LSAMP: variants seen among roughly 807,000 people sequenced by gnomAD.
LSAMP encodes limbic system-associated membrane protein.
A neutral mutation model predicts 38.6 loss-of-function variants in LSAMP; 7 were observed. The ratio of observed to expected loss-of-function variants is 0.18; its 90% CI spans 0.10 to 0.34. The LOEUF (loss-of-function observed/expected upper bound fraction) is 0.34, where lower values mean the gene tolerates loss of function less well. LSAMP is among the 10% of genes least tolerant of loss of function. LSAMP has a pLI of 1.00. For synonymous variants in LSAMP, 154 were observed against 166.8 expected (o/e 0.92, Z 0.59); for missense variants, 313 against 420.0 (o/e 0.75, Z 2.23).
At chr3:115,890,445 A>C (rs1311749179) in intron 3 of LSAMP, among the ~76,000 whole-genome samples, 1 of 150,796 alleles carries the variant, frequency 6.6e-6, no homozygotes, top group Non-Finnish European at 1.5e-5. Flanking sequence ...AGTTCAGGTT[A>C]AGCCTCTCTT....
At chr3:116,125,045 T>C (rs1040782698) in intron 1 of LSAMP, among the ~76,000 whole-genome samples, 2 of 152,144 alleles carry the variant, frequency 1.3e-5, no homozygotes, top group Non-Finnish European at 2.9e-5. Flanking sequence ...GGGTTCTTTA[T>C]TTCCCAGGGA....
Position 116,048,853 on chromosome 3 carries a change from A to G in LSAMP, c.389-29213T>C, listed in dbSNP as rs182389916. 1.6e-4 allele frequency among the ~76,000 whole-genome samples: 25 copies of G among 152,292 alleles called. No homozygotes were observed. In the East Asian group the frequency reaches 4.6e-3, roughly 28 times the overall value. ...GTTTCAATCCATGACTCCTTGCACT[A>G]TGTAGTACTGCCTGTTTCTGCATCA... On this transcript the variant is annotated intron_variant, in intron 2 of 6. Coordinates refer to ENST00000490035, the MANE Select transcript of LSAMP (RefSeq NM_002338.5).
intron 6 of LSAMP, among the ~76,000 whole-genome samples, chr3:115,811,333 A>G (rs943630468): frequency 6.6e-6 from 1 of 152,188 alleles, no homozygotes; most frequent in African/African-American, 2.4e-5. Flanking sequence ...GGAGGAAATC[A>G]GTGGTCTGGC....
chr3:116,051,839 G>T (rs1319265756), intron 2 of LSAMP, among the ~76,000 whole-genome samples: 1 of 152,030 alleles, frequency 6.6e-6, no homozygotes, highest in African/African-American at 2.4e-5. Flanking sequence ...GGCTGGGGAG[G>T]GGGTGATTTA....
chr3:115,818,795 T>TATATATATATATATATATATAC (rs1934122712), intron 6 of LSAMP, among the ~76,000 whole-genome samples: 1 of 43,060 alleles, frequency 2.3e-5, no homozygotes, highest in Non-Finnish European at 5.3e-5. Flanking sequence ...TACTTTTATA[T>TATATATATATATATATATATAC]ATATATATAT....
At chr3:116,232,897 G>A (rs1448546685) in intron 1 of LSAMP, among the ~76,000 whole-genome samples, 1 of 151,642 alleles carries the variant, frequency 6.6e-6, no homozygotes, top group Admixed American at 6.6e-5. Context: ...CCTACCAGTT[G>A]CAAGAATTCT....
In LSAMP at chr3:116,011,155, CA is replaced by C. The variant is rs567155533; in HGVS notation, c.514+8359del. 1.6e-3 allele frequency among the ~76,000 whole-genome samples: 245 copies of C among 152,248 alleles called. 1 individual carries two copies. Among genetic ancestry groups the C allele is most frequent in the African/African-American group, 5.6e-3 (234 of 41,550 alleles). The stretch of plus-strand genomic sequence containing the variant: ...AGTAGCTGGGACCACAGGCGCACGC[CA>C]CCACACCCAGCTAATTTTTTGATTA... On this transcript the variant is annotated intron_variant, in intron 3 of 6. Transcript: ENST00000490035.
At position 115,941,177 on chromosome 3, in the gene LSAMP, A is replaced by G. The variant is rs570365890; in HGVS notation, c.514+78338T>C. Among the ~76,000 whole-genome samples the G allele has an allele frequency of 3.9e-5, 6 of 152,288 alleles. No homozygotes were observed. In the South Asian group the frequency reaches 6.2e-4, roughly 16 times the overall value. ...AAACATACATGTGGTCAACAGGTAT[A>G]TGAAAACATGTTCAACATCACTAAT... On this transcript the variant is annotated intron_variant, in intron 3 of 6. Transcript: ENST00000490035.
chr3:115,829,749 T>C (rs1468969063), intron 6 of LSAMP, among the ~76,000 whole-genome samples: 1 of 152,168 alleles, frequency 6.6e-6, no homozygotes, highest in Non-Finnish European at 1.5e-5. Context: ...GGTAAGAAAA[T>C]AATGAAAAAT....
intron 3 of LSAMP, among the ~76,000 whole-genome samples, chr3:115,897,283 A>G (rs952835342): frequency 6.6e-6 from 1 of 152,094 alleles, no homozygotes; most frequent in Non-Finnish European, 1.5e-5. Context: ...TTGGAAGGAG[A>G]AAAGCAGAGC....
intron 1 of LSAMP, among the ~76,000 whole-genome samples, chr3:116,438,999 G>C (rs2049393526): frequency 6.6e-6 from 1 of 152,106 alleles, no homozygotes; most frequent in South Asian, 2.1e-4. Flanking sequence ...CCCTGAAAGT[G>C]ATCTGTAAAG....
intron 3 of LSAMP, among the ~76,000 whole-genome samples, chr3:115,975,645 C>T (rs1424434717): frequency 6.6e-6 from 1 of 152,186 alleles, no homozygotes; most frequent in African/African-American, 2.4e-5. Flanking sequence ...CTTCTGTGCT[C>T]TCCAAGTTAT....
At chr3:115,838,700 C>T (rs1934878262) in intron 6 of LSAMP, among the ~76,000 whole-genome samples, 1 of 152,146 alleles carries the variant, frequency 6.6e-6, no homozygotes, top group African/African-American at 2.4e-5. Flanking sequence ...CTTCCACCAG[C>T]TCAGGAAAAA....
chr3:116,431,412 T>A (rs1036574852), intron 1 of LSAMP, among the ~76,000 whole-genome samples: 1 of 152,118 alleles, frequency 6.6e-6, no homozygotes, highest in African/African-American at 2.4e-5. Flanking sequence ...ATCACTGCTT[T>A]CTTTTCAAAA....
intron 1 of LSAMP, among the ~76,000 whole-genome samples, chr3:116,315,325 A>G (rs1372195168): frequency 6.6e-6 from 1 of 152,206 alleles, no homozygotes; most frequent in Non-Finnish European, 1.5e-5. Flanking sequence ...GTCTTCTTCC[A>G]AATCCCCTTT....
chr3:116,381,356 T>C lies in LSAMP; in HGVS notation c.155+63521A>G, dbSNP rs189755474. On this transcript the variant is annotated intron_variant, in intron 1 of 6. Coordinates refer to ENST00000490035, the MANE Select transcript of LSAMP (RefSeq NM_002338.5). ...GTATTATAATGTACATGAAAGATCATGTGGACTGGTTATTTCTTGACAAAC... is the reference window on the plus strand; with the variant it reads ...GTATTATAATGTACATGAAAGATCACGTGGACTGGTTATTTCTTGACAAAC... 1.7e-4 allele frequency among the ~76,000 whole-genome samples: 26 copies of C among 152,226 alleles called. No homozygotes were observed. The Middle Eastern group carries it at 0.014, about 80-fold the overall frequency.
chr3:115,820,332 GA>G (rs1934190461), intron 6 of LSAMP, among the ~76,000 whole-genome samples: 1 of 152,298 alleles, frequency 6.6e-6, no homozygotes, highest in African/African-American at 2.4e-5. Context: ...GTATGGCAGT[GA>G]AGGTACAAGG....
At chr3:115,937,485 C>CA (rs1205473992) in intron 3 of LSAMP, among the ~76,000 whole-genome samples, 8 of 150,106 alleles carry the variant, frequency 5.3e-5, no homozygotes, top group Non-Finnish European at 7.4e-5. Flanking sequence ...TATAAAAAAT[C>CA]AAAAAAATAG....
intron 1 of LSAMP, among the ~76,000 whole-genome samples, chr3:116,355,572 CA>C (rs1352895611): frequency 6.6e-6 from 1 of 152,018 alleles, no homozygotes; most frequent in Non-Finnish European, 1.5e-5. Flanking sequence ...GCAACTAAAG[CA>C]AAAATAGGCA....
Sources: gnomAD v4.1 joint callset for allele counts (sites outside exome capture counted in the v4.1 genomes callset) on GRCh38, gnomAD v4.1.1 for gene constraint, MANE v1.5 for transcripts, NCBI Gene and HGNC (gene_info 2026-07-23, HGNC 2026-07-21) for gene names.